The following MEOX1 variants were observed in gnomAD, a reference collection of about 807,000 sequenced individuals.
The protein encoded by MEOX1 is mesenchyme homeobox 1, also known as homeobox protein MOX-1.
A neutral mutation model predicts 23.2 loss-of-function variants in MEOX1; 17 were observed. That is an observed-to-expected ratio of 0.73 (90% CI 0.50 to 1.10). The LOEUF is 1.10. Among genes scored for constraint, MEOX1 ranks in the 50% least tolerant of loss-of-function variants. The pLI is 0.00. For synonymous variants in MEOX1, 134 were observed against 135.1 expected, an observed-to-expected ratio of 0.99 and a Z score of 0.06; for missense variants, 333 against 332.2, an observed-to-expected ratio of 1.00 and a Z score of -0.02.
At chr17:43,656,194 A>G (rs1284857870) in intron 1 of MEOX1, among the ~76,000 whole-genome samples, 1 of 152,204 alleles carries the variant, frequency 6.6e-6, no homozygotes, top group Non-Finnish European at 1.5e-5. Flanking sequence ...AAATTTTTGA[A>G]AAAGAAGAAC....
intron 1 of MEOX1, among the ~76,000 whole-genome samples, chr17:43,654,682 T>G (rs974772727): frequency 7.2e-5 from 11 of 152,090 alleles, no homozygotes. Context: ...AATAAATAAT[T>G]TTTTTGGAAA....
chr17:43,660,026 C>T (rs1298664325), intron 1 of MEOX1, among the ~76,000 whole-genome samples: 1 of 152,212 alleles, frequency 6.6e-6, no homozygotes, highest in Non-Finnish European at 1.5e-5. Context: ...CCTGGTTAGC[C>T]CCATGGGAAG....
intron 1 of MEOX1, among the ~76,000 whole-genome samples, chr17:43,653,460 C>T (rs2154588935): frequency 6.7e-6 from 1 of 149,254 alleles, no homozygotes; most frequent in Admixed American, 6.7e-5. Flanking sequence ...TTCTCCTTTC[C>T]TCTGTCAAAC....
At chr17:43,652,916 G>C (rs905230742) in intron 1 of MEOX1, among the ~76,000 whole-genome samples, 36 of 130,934 alleles carry the variant, frequency 2.7e-4, no homozygotes, top group African/African-American at 7.9e-4. Flanking sequence ...ACTGCAAGCT[G>C]TGCCTCCCAG....
intron 1 of MEOX1, among the ~76,000 whole-genome samples, chr17:43,653,305 A>G (rs954889040): frequency 4.6e-5 from 7 of 151,422 alleles, no homozygotes; most frequent in Non-Finnish European, 7.4e-5. Flanking sequence ...ACGCCCAGCT[A>G]ATTTTTGTAT....
At chr17:43,644,767 T>C (rs1013054910) in intron 1 of MEOX1, among the ~76,000 whole-genome samples, 9 of 151,820 alleles carry the variant, frequency 5.9e-5, no homozygotes, top group Admixed American at 5.9e-4. Context: ...ATACAAAAAA[T>C]TAGCTGGGCG....
Position 43,641,795 on chromosome 17 carries a change from GA to G in MEOX1, c.*114del. 8.9e-7 allele frequency: 1 copy of G among 1,119,332 alleles called. No homozygotes were observed. The highest frequency in any genetic ancestry group is 1.3e-6 in the Non-Finnish European group (1 of 787,380). The allele number at this position is 1,119,332 out of a possible 1,614,324, so 69.3% of individuals were successfully genotyped here. Reference sequence around the variant, plus strand: ...GGCAGTTTCATATCCAAGAGTCAGGGAAAGATGTGGAGAGGCTGCCCTGGCT... The same window carrying G: ...GGCAGTTTCATATCCAAGAGTCAGGGAAGATGTGGAGAGGCTGCCCTGGCT... On this transcript the variant is annotated 3_prime_UTR_variant, in exon 3 of 3. Coordinates refer to ENST00000318579, the MANE Select transcript of MEOX1 (RefSeq NM_004527.4).
chr17:43,657,990 T>C (rs1005188719), intron 1 of MEOX1, among the ~76,000 whole-genome samples: 4 of 152,238 alleles, frequency 2.6e-5, no homozygotes, highest in African/African-American at 9.6e-5. Context: ...GCTACTGCTA[T>C]ATGCCCATTT....
chr17:43,655,869 G>A (rs1029392159), intron 1 of MEOX1, among the ~76,000 whole-genome samples: 2 of 152,046 alleles, frequency 1.3e-5, no homozygotes, highest in African/African-American at 4.8e-5. Flanking sequence ...AGGGAAAAAA[G>A]GTCGTTGTTT....
At chr17:43,645,956 G>A (rs929991608) in intron 1 of MEOX1, among the ~76,000 whole-genome samples, 1 of 152,236 alleles carries the variant, frequency 6.6e-6, no homozygotes, top group African/African-American at 2.4e-5. Context: ...CTGCGCGTCC[G>A]TGGCCTCCGC....
chr17:43,642,189 C>G (rs192822766), intron 2 of MEOX1, among the ~76,000 whole-genome samples, 157 bp from the exon 3 acceptor site: 10 of 152,290 alleles, frequency 6.6e-5, no homozygotes, highest in African/African-American at 2.4e-4. Flanking sequence ...GAACTAGGAC[C>G]GAAGAGAGGA....
In MEOX1 at chr17:43,661,616, GA is replaced by G. The variant is rs940414199; in HGVS notation, c.-83del. On this transcript the variant is annotated 5_prime_UTR_variant, in exon 1 of 3. Transcript: ENST00000318579. ...TGTTCAAATTTTTAAAAATGCAAAA[GA>G]AAAAAAACTAAATAGGAGGGAAAAA... 3.0e-5 allele frequency: 20 copies of G among 666,224 alleles called. No homozygotes were observed. The highest frequency in any genetic ancestry group is 7.1e-5 in the South Asian group (1 of 13,998). 41.3% of individuals were successfully genotyped at this position (666,224 alleles called of 1,614,324 possible). A position where few individuals can be genotyped will look rare whatever the true frequency, so the allele number is the denominator to read the frequency against.
At chr17:43,653,216 A>G (rs887099834) in intron 1 of MEOX1, among the ~76,000 whole-genome samples, 3 of 145,862 alleles carry the variant, frequency 2.1e-5, no homozygotes, top group African/African-American at 7.7e-5. Context: ...CTTGGCTCAC[A>G]GCAACCTCTA....
chr17:43,654,619 A>G (rs1487887888), intron 1 of MEOX1, among the ~76,000 whole-genome samples: 1 of 152,168 alleles, frequency 6.6e-6, no homozygotes, highest in East Asian at 1.9e-4. Flanking sequence ...CCAAGAGTTC[A>G]AGACCAATCT....
chr17:43,659,983 C>T (rs1168864773), intron 1 of MEOX1, among the ~76,000 whole-genome samples: 1 of 152,230 alleles, frequency 6.6e-6, no homozygotes, highest in Non-Finnish European at 1.5e-5. Flanking sequence ...AGCATTCCCA[C>T]CTGTTGGTTG....
Position 43,645,382 on chromosome 17 carries a change from A to T in MEOX1, c.470-1722T>A, listed in dbSNP as rs571259723. 7.1e-4 allele frequency among the ~76,000 whole-genome samples: 108 copies of T among 151,958 alleles called. 1 individual carries two copies. Among genetic ancestry groups the T allele is most frequent in the African/African-American group, 2.1e-3 (85 of 41,452 alleles). ...TTAGTAGAGACGACGTTTCACTGTG[A>T]TAGCCAGGATGATCTCGATCTCCTG... On this transcript the variant is annotated intron_variant, in intron 1 of 2. Coordinates refer to ENST00000318579, the MANE Select transcript of MEOX1 (RefSeq NM_004527.4).
chr17:43,657,162 CTTTCTTTCT>C (rs1328535430), intron 1 of MEOX1, among the ~76,000 whole-genome samples: 5 of 64,356 alleles, frequency 7.8e-5, no homozygotes, highest in African/African-American at 1.3e-4. Flanking sequence ...CTCTTTCTTT[CTTTCTTTCT>C]TTTTTTTTTT....
At position 43,661,092 on chromosome 17, in the gene MEOX1, G is replaced by A. The variant is rs1973129695; in HGVS notation, c.443C>T (p.Ser148Leu). 6.7e-7 allele frequency: 1 copy of A among 1,499,340 alleles called. No individual in the cohort carries two copies. The highest frequency in any genetic ancestry group is 8.9e-7 in the Non-Finnish European group (1 of 1,124,152). 92.9% of individuals were successfully genotyped at this position (1,499,340 alleles called of 1,614,324 possible). Residue 148 changes from serine (S) to leucine (L), a missense_variant, in exon 1 of 3, where the codon TCA (serine) becomes TTA (leucine). Ser to Leu is a moderately radical substitution (Grantham distance 145). Transcript: ENST00000318579. ...GSTANETEKK[S>L]SRRRKESSDN... The stretch of plus-strand genomic sequence containing the variant: ...TGAACTCTCCTTTCTCCGCCTGGAT[G>A]ATTTCTTCTCTGTCTCATTGGCAGT...
chr17:43,652,503 C>G (rs1010377452), intron 1 of MEOX1, among the ~76,000 whole-genome samples: 2 of 152,110 alleles, frequency 1.3e-5, no homozygotes, highest in African/African-American at 4.8e-5. Context: ...CTCTACATCT[C>G]TGATATCATT....
Sources: allele counts gnomAD v4.1 joint callset (sites outside exome capture counted in the v4.1 genomes callset), GRCh38; gene constraint gnomAD v4.1.1; transcripts MANE v1.5; gene names NCBI Gene and HGNC (gene_info 2026-07-23, HGNC 2026-07-21).